ANGPT2: variants seen among roughly 807,000 people sequenced by gnomAD.
ANGPT2 encodes angiopoietin-2.
A neutral mutation model predicts 62.9 loss-of-function variants in ANGPT2; 28 were observed. The observed-to-expected ratio is 0.44, with a 90% CI of 0.33 to 0.61. ANGPT2 has a LOEUF of 0.61. ANGPT2 is among the 20% of genes least tolerant of loss of function. The probability of loss-of-function intolerance (pLI) is 0.03; values close to 1 mark genes in which losing one functional copy is unlikely to be tolerated. For missense variants in ANGPT2, 727 were observed against 594.9 expected (o/e 1.22, Z -2.31); for synonymous variants, 284 against 207.8 (o/e 1.37, Z -3.15).
chr8:6,519,997 T>C lies in ANGPT2; in HGVS notation c.800-6A>G. ...AGCAACAGTGGGGTCCTTAGCTGCT[T>C]TTAAAAAATAGTAAGGCATTTAAAC... On this transcript the variant is annotated splice_polypyrimidine_tract_variant and splice_region_variant and intron_variant, in intron 4 of 8. Coordinates refer to ENST00000629816, the MANE Select transcript of ANGPT2 (RefSeq NM_001118887.2). 6.2e-7 allele frequency: 1 copy of C among 1,612,506 alleles called. No homozygotes were observed. The highest frequency in any genetic ancestry group is 8.5e-7 in the Non-Finnish European group (1 of 1,179,404).
chr8:6,503,351 C>T, intron 8 of ANGPT2, 90 bp from the exon 9 acceptor site: 3 of 1,392,968 alleles, frequency 2.2e-6, no homozygotes, highest in South Asian at 1.3e-5. Flanking sequence ...GCAGGAGGCA[C>T]ACTGCAGGCG....
At chr8:6,520,451 C>T (rs1051316479) in intron 4 of ANGPT2, among the ~76,000 whole-genome samples, 2 of 152,104 alleles carry the variant, frequency 1.3e-5, no homozygotes, top group Admixed American at 1.3e-4. Context: ...TAGTGGGGTG[C>T]AGTGACACAT....
chr8:6,552,077 A>T (rs1413107597), intron 1 of ANGPT2, among the ~76,000 whole-genome samples: 1 of 152,220 alleles, frequency 6.6e-6, no homozygotes, highest in Non-Finnish European at 1.5e-5. Flanking sequence ...AACCCAAAGA[A>T]AATCAGAGGA....
At chr8:6,548,910 A>G (rs1447429555) in intron 1 of ANGPT2, among the ~76,000 whole-genome samples, 1 of 152,072 alleles carries the variant, frequency 6.6e-6, no homozygotes, top group Admixed American at 6.5e-5. Context: ...TGCCTGTTGT[A>G]TTTCACTACC....
intron 1 of ANGPT2, among the ~76,000 whole-genome samples, chr8:6,540,678 G>T (rs1821389445): frequency 6.6e-6 from 1 of 152,284 alleles, no homozygotes; most frequent in Non-Finnish European, 1.5e-5. Context: ...GTGTGTATGT[G>T]TGTGTACCTC....
chr8:6,548,657 A>G (rs920112494), intron 1 of ANGPT2, among the ~76,000 whole-genome samples: 4 of 152,196 alleles, frequency 2.6e-5, no homozygotes, highest in Non-Finnish European at 5.9e-5. Context: ...GCTTAATGCA[A>G]TTTAGAAAGA....
Position 6,519,802 on chromosome 8 carries a change from C to G in ANGPT2, c.927+62G>C. ...GGGAGAGACTTCTGCTCTCTGGTTC[C>G]TCACTCACTAAAGTGGCCTGCCTAG... On this transcript the variant is annotated intron_variant, in intron 5 of 8. Coordinates refer to ENST00000629816, the MANE Select transcript of ANGPT2 (RefSeq NM_001118887.2). 3.8e-6 allele frequency: 6 copies of G among 1,579,346 alleles called. No homozygotes were observed. The South Asian group carries it at 6.9e-5, about 18-fold the overall frequency.
At chr8:6,516,318 G>T (rs1014265587) in intron 5 of ANGPT2, among the ~76,000 whole-genome samples, 1 of 152,154 alleles carries the variant, frequency 6.6e-6, no homozygotes, top group Non-Finnish European at 1.5e-5. Flanking sequence ...CAGCAACTCT[G>T]CTGTAGTATC....
chr8:6,549,145 C>T (rs914289953), intron 1 of ANGPT2, among the ~76,000 whole-genome samples: 1 of 152,116 alleles, frequency 6.6e-6, no homozygotes, highest in Non-Finnish European at 1.5e-5. Flanking sequence ...GATAGCAGTA[C>T]AAGAAAAATG....
chr8:6,512,662 T>G (rs73199034), intron 7 of ANGPT2, among the ~76,000 whole-genome samples: 1,642 of 152,234 alleles, frequency 0.011, 26 homozygotes, highest in Non-Finnish European at 0.014. Context: ...ACTGTGCATG[T>G]GGCTTCACCG....
chr8:6,544,674 C>G (rs1822226101), intron 1 of ANGPT2, among the ~76,000 whole-genome samples: 1 of 152,064 alleles, frequency 6.6e-6, no homozygotes, highest in African/African-American at 2.4e-5. Context: ...TATAGGATTC[C>G]TCATTCTAAA....
At chr8:6,550,810 G>C (rs1823514272) in intron 1 of ANGPT2, among the ~76,000 whole-genome samples, 1 of 152,176 alleles carries the variant, frequency 6.6e-6, no homozygotes, top group Non-Finnish European at 1.5e-5. Flanking sequence ...TTGTGAAATT[G>C]AGTGAGACGA....
At chr8:6,553,451 C>G (rs1824029639) in intron 1 of ANGPT2, among the ~76,000 whole-genome samples, 1 of 152,076 alleles carries the variant, frequency 6.6e-6, no homozygotes, top group African/African-American at 2.4e-5. Flanking sequence ...CAGAGGCTTG[C>G]TGGTCTAATG....
At chr8:6,538,500 C>T (rs1454929143) in intron 1 of ANGPT2, among the ~76,000 whole-genome samples, 1 of 152,172 alleles carries the variant, frequency 6.6e-6, no homozygotes, top group African/African-American at 2.4e-5. Context: ...ACACACACCG[C>T]CTCCTGACTG....
intron 1 of ANGPT2, among the ~76,000 whole-genome samples, chr8:6,556,433 C>T (rs1057307112): frequency 6.6e-6 from 1 of 151,892 alleles, no homozygotes; most frequent in African/African-American, 2.4e-5. Flanking sequence ...GTGTAGTGAC[C>T]AAGGACTTAA....
At chr8:6,530,762 G>C (rs73507120) in intron 2 of ANGPT2, among the ~76,000 whole-genome samples, 2,984 of 152,232 alleles carry the variant, frequency 0.02, 103 homozygotes, top group African/African-American at 0.068. Flanking sequence ...TTATCTGTAA[G>C]TCTTTTGTTA....
intron 7 of ANGPT2, among the ~76,000 whole-genome samples, chr8:6,510,040 A>G (rs1408774021): frequency 6.6e-6 from 1 of 152,204 alleles, no homozygotes; most frequent in East Asian, 1.9e-4. Flanking sequence ...AAGTCGAAAA[A>G]TCTTAAGTTG....
chr8:6,512,624 G>T (rs930763694), intron 7 of ANGPT2, among the ~76,000 whole-genome samples: 1 of 152,156 alleles, frequency 6.6e-6, no homozygotes, highest in African/African-American at 2.4e-5. Context: ...ATTTCGGAGT[G>T]CCTCTATGTG....
At chr8:6,532,541 A>T in intron 1 of ANGPT2, 54 bp from the exon 2 acceptor site, 6 of 1,351,024 alleles carry the variant, frequency 4.4e-6, no homozygotes, top group Non-Finnish European at 6.0e-6. Context: ...CGGAAACCTG[A>T]TTCCTAAATG....
Sources: allele counts gnomAD v4.1 joint callset (sites outside exome capture counted in the v4.1 genomes callset), GRCh38; gene constraint gnomAD v4.1.1; transcripts MANE v1.5; gene names NCBI Gene and HGNC (gene_info 2026-07-23, HGNC 2026-07-21).